The following CBFA2T3 variants were observed in gnomAD, a reference collection of about 807,000 sequenced individuals.
CBFA2T3 encodes the protein CBFA2/RUNX1 partner transcriptional co-repressor 3.
A neutral mutation model predicts 58.6 loss-of-function variants in CBFA2T3; 31 were observed. The ratio of observed to expected loss-of-function variants is 0.53; its 90% CI spans 0.40 to 0.71. The LOEUF (loss-of-function observed/expected upper bound fraction) is 0.71, where lower values mean the gene tolerates loss of function less well. Among genes scored for constraint, CBFA2T3 ranks in the 30% least tolerant of loss-of-function variants. The probability of loss-of-function intolerance (pLI) is 0.00; values close to 1 mark genes in which losing one functional copy is unlikely to be tolerated. For missense variants in CBFA2T3, 1,076 were observed against 963.1 expected (o/e 1.12, Z -1.55); for synonymous variants, 531 against 421.9 (o/e 1.26, Z -3.17).
At chr16:88,975,771 G>A (rs964480469) in intron 1 of CBFA2T3, among the ~76,000 whole-genome samples, 5 of 152,266 alleles carry the variant, frequency 3.3e-5, no homozygotes, top group African/African-American at 4.8e-5. Flanking sequence ...AACAGCCTCA[G>A]GCAGCCGCCG....
intron 1 of CBFA2T3, among the ~76,000 whole-genome samples, chr16:88,926,579 CCAA>C (rs1406121773): frequency 6.6e-6 from 1 of 152,218 alleles, no homozygotes; most frequent in Non-Finnish European, 1.5e-5. Flanking sequence ...CCTGGGTCAG[CCAA>C]CGAGCTTTGT....
At chr16:88,932,864 G>C (rs1971360977) in intron 1 of CBFA2T3, among the ~76,000 whole-genome samples, 1 of 150,384 alleles carries the variant, frequency 6.6e-6, no homozygotes, top group Admixed American at 6.6e-5. Flanking sequence ...AGCTACTCAG[G>C]AGGCTGACGC....
chr16:88,885,107 G>T lies in CBFA2T3; in HGVS notation c.1056C>A (p.His352Gln), dbSNP rs1213698318. The change falls in exon 7 of 12, where the codon CAC becomes CAA. Residue 352 changes from histidine (H) to glutamine (Q), a missense_variant. His to Gln is a conservative substitution (Grantham distance 24). Coordinates refer to ENST00000268679, the MANE Select transcript of CBFA2T3 (RefSeq NM_005187.6). This position sits in a 1 kb window ranked among gnomAD's most constrained non-coding sequence, Gnocchi z 5.3. ...CTGGGTGGCGGTAGGCATCTCGGAA[G>T]TGGTGGGCCATGGCTATGTCCTCCA... ...YRLEDIAMAH[H>Q]FRDAYRHPDP... 6.2e-7 allele frequency: 1 copy of T among 1,603,018 alleles called. No homozygotes were observed. Among genetic ancestry groups the T allele is most frequent in the Non-Finnish European group, 8.5e-7 (1 of 1,177,568 alleles).
rs372676951 is a variant in CBFA2T3 at position 88,893,769 on chromosome 16, G to A, written c.380-1284C>T. 1.6e-4 allele frequency among the ~76,000 whole-genome samples: 25 copies of A among 152,328 alleles called. No individual in the cohort carries two copies. The South Asian group carries it at 4.1e-3, about 25-fold the overall frequency. On this transcript the variant is annotated intron_variant, in intron 3 of 11. Transcript: ENST00000268679. ...CTGCTATGGAAAGTCCCAGGGCCGGGCCTCACCCCTTTTCTCAGGTGACAG... is the reference window on the plus strand; with the variant it reads ...CTGCTATGGAAAGTCCCAGGGCCGGACCTCACCCCTTTTCTCAGGTGACAG...
chr16:88,913,261 G>A (rs1258499720), intron 1 of CBFA2T3, among the ~76,000 whole-genome samples: 1 of 152,240 alleles, frequency 6.6e-6, no homozygotes. Context: ...GGACAGGGTT[G>A]GCCCGGCCAC....
At chr16:88,934,274 A>G (rs1017282509) in intron 1 of CBFA2T3, among the ~76,000 whole-genome samples, 1 of 152,176 alleles carries the variant, frequency 6.6e-6, no homozygotes, top group Non-Finnish European at 1.5e-5. Context: ...GGGCTGCCCC[A>G]CAGTGGCTGC....
chr16:88,941,959 C>G (rs1971755711), intron 1 of CBFA2T3: 1 of 151,072 alleles, frequency 6.6e-6, no homozygotes, highest in Non-Finnish European at 1.5e-5. Flanking sequence ...GCGCCTGGCC[C>G]GGCCCGGGGC....
rs148330479 is a variant in CBFA2T3 at position 88,923,781 on chromosome 16, G to A, written c.152-22125C>T. Among the ~76,000 whole-genome samples, 889 of 152,310 alleles carry A rather than the reference G, an allele frequency of 5.8e-3. 6 individuals are homozygous for A. The highest frequency in any genetic ancestry group is 0.024 in the Middle Eastern group (7 of 294). Reference sequence around the variant, plus strand: ...GCTCTGGGCTCCTGGGCTGGACACCGGCACCGTCTAGGTTGGGGAGGCTCT... The same window carrying A: ...GCTCTGGGCTCCTGGGCTGGACACCAGCACCGTCTAGGTTGGGGAGGCTCT... On this transcript the variant is annotated intron_variant, in intron 1 of 11. Transcript: ENST00000268679.
chr16:88,901,529 G>A lies in CBFA2T3; in HGVS notation c.279C>T (p.Arg93=), dbSNP rs750016567. 2 of 1,475,152 alleles carry A rather than the reference G, an allele frequency of 1.4e-6. No individual in the cohort carries two copies. Among genetic ancestry groups the A allele is most frequent in the African/African-American group, 3.0e-5 (2 of 67,234 alleles). 91.4% of individuals were successfully genotyped at this position (1,475,152 alleles called of 1,614,324 possible). Residue 93 remains arginine (R), a synonymous_variant, in exon 2 of 12, where the codon CGC becomes CGT. Transcript: ENST00000268679. ...GTGTGTGTGGCGTGAAGGAGGGGGG[G>A]CGTGTGGCCCCCTGGGATGCGGCAG... ...PPPAASQGAT[R]PPSFTPHTHR...
intron 1 of CBFA2T3, among the ~76,000 whole-genome samples, chr16:88,971,030 C>A (rs12447145): frequency 4.0e-5 from 6 of 151,462 alleles, no homozygotes; most frequent in Admixed American, 3.9e-4. Flanking sequence ...TGCCGGAGGC[C>A]GACGCGGTGG....
chr16:88,955,881 A>G (rs1266541822), intron 1 of CBFA2T3, among the ~76,000 whole-genome samples: 1 of 143,068 alleles, frequency 7.0e-6, no homozygotes. Context: ...TCCTGACCCC[A>G]GCCAAGTCTC....
intron 1 of CBFA2T3, among the ~76,000 whole-genome samples, chr16:88,926,233 T>A (rs934949036): frequency 3.5e-5 from 5 of 142,830 alleles, no homozygotes; most frequent in African/African-American, 9.8e-5. Flanking sequence ...CCTAACCTTG[T>A]TCCCAGAGGC....
At position 88,877,046 on chromosome 16, in the gene CBFA2T3, G is replaced by T. The variant is rs1440688744; in HGVS notation, c.1892C>A (p.Ala631Asp). The change falls in exon 12 of 12, where the codon GCC becomes GAC. Residue 631 changes from alanine (A) to aspartate (D), a missense_variant. Coordinates refer to ENST00000268679, the MANE Select transcript of CBFA2T3 (RefSeq NM_005187.6). ...LPVGAASPSE[A>D]GSAGPSRPGS... ...GGGGCGAGAAGGCCCCGCAGAGCCGGCTTCGCTGGGGCTGGCAGCACCCAC... is the reference window on the plus strand; with the variant it reads ...GGGGCGAGAAGGCCCCGCAGAGCCGTCTTCGCTGGGGCTGGCAGCACCCAC... 4 of 1,515,422 alleles carry T rather than the reference G, an allele frequency of 2.6e-6. No homozygotes were observed. In the South Asian group the frequency reaches 4.9e-5, roughly 18 times the overall value. 93.9% of individuals were successfully genotyped at this position (1,515,422 alleles called of 1,614,324 possible).
At chr16:88,941,048 C>G (rs1759471968) in intron 1 of CBFA2T3, 1 of 985,442 alleles carries the variant, frequency 1.0e-6, no homozygotes, top group African/African-American at 1.8e-5. Context: ...ATCCGGCGGG[C>G]GGCGGACGGC....
intron 2 of CBFA2T3, among the ~76,000 whole-genome samples, chr16:88,898,376 C>A (rs560407809): frequency 1.3e-5 from 2 of 152,112 alleles, no homozygotes; most frequent in African/African-American, 2.4e-5. Context: ...CTCAGGGACG[C>A]CCGGGCCGCC....
At chr16:88,927,581 C>G (rs528484373) in intron 1 of CBFA2T3, among the ~76,000 whole-genome samples, 1 of 152,186 alleles carries the variant, frequency 6.6e-6, no homozygotes, top group Non-Finnish European at 1.5e-5. Context: ...CACCCAGGTA[C>G]CAGCCTGGCA....
chr16:88,885,963 G>A lies in CBFA2T3; in HGVS notation c.891C>T (p.Asp297=). The change falls in exon 6 of 12, where the codon GAC becomes GAT. Residue 297 remains aspartate, a splice_region_variant and synonymous_variant. Transcript: ENST00000268679. The surrounding 1 kb of genome is among the most constrained non-coding windows in gnomAD (Gnocchi z 5.3). The part of the protein sequence containing the change: ...VNENGKRRTP[D]RTKENGSDRD... Reference sequence around the variant, plus strand: ...AGATCCCCGGAGCCCACAGGTACCTGTCGGGCGTCCTCCTCTTGCCGTTCT... The same window carrying A: ...AGATCCCCGGAGCCCACAGGTACCTATCGGGCGTCCTCCTCTTGCCGTTCT... 2 of 1,548,500 alleles carry A rather than the reference G, an allele frequency of 1.3e-6. No individual in the cohort carries two copies. Among genetic ancestry groups the A allele is most frequent in the Non-Finnish European group, 1.7e-6 (2 of 1,146,986 alleles).
intron 1 of CBFA2T3, among the ~76,000 whole-genome samples, chr16:88,932,001 G>A (rs1673934): frequency 0.091 from 13,814 of 152,088 alleles, 1,441 homozygotes; most frequent in African/African-American, 0.25. Context: ...TCCTGGCCCG[G>A]TTTTCACACC....
At chr16:88,963,979 T>C (rs2142869172) in intron 1 of CBFA2T3, among the ~76,000 whole-genome samples, 2 of 152,368 alleles carry the variant, frequency 1.3e-5, no homozygotes, top group African/African-American at 4.8e-5. Context: ...AGAAGAGCTC[T>C]GTCTGCAGTG....
Sources: gnomAD v4.1 joint callset for allele counts (sites outside exome capture counted in the v4.1 genomes callset) on GRCh38, gnomAD v4.1.1 for gene constraint, Gnocchi (gnomAD v3.1) non-coding constraint, MANE v1.5 for transcripts, NCBI Gene and HGNC (gene_info 2026-07-23, HGNC 2026-07-21) for gene names.